ROS1: variants seen among roughly 807,000 people sequenced by gnomAD.
ROS1 encodes the protein proto-oncogene tyrosine-protein kinase ROS.
ROS1 carries 263 observed loss-of-function variants against 273.5 expected under a neutral mutation model. That is an observed-to-expected ratio of 0.96 (90% confidence interval 0.87 to 1.06). ROS1 has a LOEUF of 1.06. Ranked by LOEUF, ROS1 falls within the 50% of genes least tolerant of loss-of-function variation. The probability of loss-of-function intolerance (pLI) is 0.00; values close to 1 mark genes in which losing one functional copy is unlikely to be tolerated. For synonymous variants in ROS1, 1,008 were observed against 954.1 expected (o/e 1.06, Z -1.04); for missense variants, 2,833 against 2,751.1 (o/e 1.03, Z -0.67).
rs757736576 is a variant in ROS1 at position 117,409,633 on chromosome 6, A to G, written c.265T>C (p.Cys89Arg). The G allele has an allele frequency of 5.6e-6, 9 of 1,613,654 alleles. No homozygotes were observed. Among genetic ancestry groups the G allele is most frequent in the Middle Eastern group, 1.6e-4 (1 of 6,082 alleles). Residue 89 changes from cysteine (C) to arginine (R), a missense_variant, in exon 5 of 44, where the codon TGT (cysteine) becomes CGT (arginine). Transcript: ENST00000368507. ...TYATVCERES[C>R]EVGCSSAEGA... ...TCCGCGCTGCTACAGCCAACCTCAC[A>G]CGACTCCCGCTGTGGAAGACAGGGA...
chr6:117,292,607 T>C (rs1773923911), intron 43 of ROS1, among the ~76,000 whole-genome samples: 1 of 152,230 alleles, frequency 6.6e-6, no homozygotes, highest in Non-Finnish European at 1.5e-5. Flanking sequence ...GTCTGCACCC[T>C]GGACTTCAAC....
intron 39 of ROS1, among the ~76,000 whole-genome samples, chr6:117,311,526 C>CAT (rs1434827056): frequency 1.3e-5 from 2 of 152,104 alleles, no homozygotes; most frequent in African/African-American, 4.8e-5. Flanking sequence ...AAGTAAGTTA[C>CAT]ATATATGGCT....
chr6:117,342,653 T>A, intron 28 of ROS1, 109 bp from the exon 29 acceptor site: 1 of 732,868 alleles, frequency 1.4e-6, no homozygotes, highest in South Asian at 2.3e-5. Context: ...AAAAAATTAA[T>A]TTATTTTAAA....
At chr6:117,337,138 G>C (rs757047145) in intron 32 of ROS1, 34 bp downstream of exon 32, 3 of 1,548,172 alleles carry the variant, frequency 1.9e-6, no homozygotes, top group South Asian at 1.2e-5. Context: ...CTGAAACACA[G>C]AGTTTTCTGA....
chr6:117,354,526 C>A (rs547755195), intron 26 of ROS1, among the ~76,000 whole-genome samples: 1 of 152,232 alleles, frequency 6.6e-6, no homozygotes, highest in South Asian at 2.1e-4. Context: ...AACTAATATT[C>A]ATAATTGTCC....
chr6:117,407,421 A>C (rs1288610885), intron 5 of ROS1, among the ~76,000 whole-genome samples: 1 of 152,198 alleles, frequency 6.6e-6, no homozygotes, highest in Admixed American at 6.5e-5. Context: ...TGCCCAACCT[A>C]TGCTGAAATC....
intron 42 of ROS1, among the ~76,000 whole-genome samples, chr6:117,305,320 C>A (rs895968106): frequency 6.6e-6 from 1 of 152,026 alleles, no homozygotes; most frequent in African/African-American, 2.4e-5. Context: ...AGAGGAGGCC[C>A]GGGAAGAGGA....
rs553703550 is a variant in ROS1 at position 117,307,041 on chromosome 6, A to G, written c.6551+1753T>C. Among the ~76,000 whole-genome samples, 21 of 152,294 alleles carry G rather than the reference A, an allele frequency of 1.4e-4. No homozygotes were observed. In the South Asian group the frequency reaches 4.3e-3, roughly 32 times the overall value. ...CAATCCAATCAATAAATTATTCAAG[A>G]TAAAACTGTATAGAATATTATATTT... On this transcript the variant is annotated intron_variant, in intron 42 of 43. Transcript: ENST00000368507.
At chr6:117,365,029 T>A (rs189621852) in intron 21 of ROS1, 31 bp downstream of exon 21, 2 of 1,601,038 alleles carry the variant, frequency 1.2e-6, no homozygotes, top group East Asian at 2.2e-5. Flanking sequence ...TCTGCTTTTT[T>A]AAGAAAAAAG....
At chr6:117,346,377 C>T (rs190506877) in intron 27 of ROS1, among the ~76,000 whole-genome samples, 1 of 151,214 alleles carries the variant, frequency 6.6e-6, no homozygotes. Context: ...AATAATGTAC[C>T]TAGAAACTAG....
Position 117,365,562 on chromosome 6 carries a change from A to C in ROS1, c.2958+19T>G. ...ACAGTCTGTTTGGGAAATGAAAGTT[A>C]CTAGAACCAACACCATACCTTAGAA... On this transcript the variant is annotated intron_variant, in intron 20 of 43. Transcript: ENST00000368507. 1 of 1,605,932 alleles carries C rather than the reference A, an allele frequency of 6.2e-7. No individual in the cohort carries two copies. The highest frequency in any genetic ancestry group is 8.5e-7 in the Non-Finnish European group (1 of 1,172,616).
At chr6:117,319,142 T>C (rs890709509) in intron 37 of ROS1, among the ~76,000 whole-genome samples, 1 of 152,102 alleles carries the variant, frequency 6.6e-6, no homozygotes, top group Non-Finnish European at 1.5e-5. Flanking sequence ...CATAAAAGAT[T>C]CATCCTCCCT....
intron 36 of ROS1, among the ~76,000 whole-genome samples, chr6:117,320,776 T>C (rs1386355349): frequency 6.6e-6 from 1 of 152,262 alleles, no homozygotes; most frequent in Non-Finnish European, 1.5e-5. Context: ...AACCTTTGCA[T>C]AAGACACTTG....
At chr6:117,330,923 G>C (rs568373098) in intron 32 of ROS1, among the ~76,000 whole-genome samples, 2 of 152,300 alleles carry the variant, frequency 1.3e-5, no homozygotes, top group Non-Finnish European at 2.9e-5. Context: ...CAAAAGGCCA[G>C]AGTGCCTCTT....
chr6:117,311,050 A>G lies in ROS1; in HGVS notation c.6185T>C (p.Val2062Ala). The change falls in exon 40 of 44, where the codon GTC becomes GCC. Residue 2062 changes from valine to alanine, a missense_variant. Val to Ala is a moderately conservative substitution (Grantham distance 64). Transcript: ENST00000368507. ...AATGAAATGCATCCGTTCCAAGTAG[A>G]CACAGCCTTTTGAAATATCTACACA... ...DLCVDISKGC[V>A]YLERMHFIHR... 1 of 1,611,476 alleles carries G rather than the reference A, an allele frequency of 6.2e-7. No individual in the cohort carries two copies. The highest frequency in any genetic ancestry group is 8.5e-7 in the Non-Finnish European group (1 of 1,178,398).
At chr6:117,364,261 T>G (rs965985164) in intron 21 of ROS1, among the ~76,000 whole-genome samples, 1 of 152,202 alleles carries the variant, frequency 6.6e-6, no homozygotes, top group African/African-American at 2.4e-5. Context: ...CAATGGAGAA[T>G]GGATATCTAT....
At position 117,353,023 on chromosome 6, in the gene ROS1, A is replaced by G. The variant is rs199566649; in HGVS notation, c.4270T>C (p.Leu1424=). 2.5e-6 allele frequency: 4 copies of G among 1,613,924 alleles called. No individual in the cohort carries two copies. The East Asian group carries it at 8.9e-5, about 36-fold the overall frequency. ...QVKALRSRHI[L]AYSSVMQPFP... ...GGCTGCATAACTGAACTGTAAGCCAAGATATGCCTACTCCTTAGGGCCTTC... is the reference window on the plus strand; with the variant it reads ...GGCTGCATAACTGAACTGTAAGCCAGGATATGCCTACTCCTTAGGGCCTTC... Residue 1424 remains leucine (L), a synonymous_variant, in exon 27 of 44, where the codon TTG becomes CTG. Transcript: ENST00000368507.
Position 117,365,718 on chromosome 6 carries a change from C to T in ROS1, c.2821G>A (p.Val941Ile), listed in dbSNP as rs147172890. Residue 941 changes from valine (V) to isoleucine (I), a missense_variant, in exon 20 of 44, where the codon GTT (valine) becomes ATT (isoleucine). Coordinates refer to ENST00000368507, the MANE Select transcript of ROS1 (RefSeq NM_001378902.1). The part of the protein sequence containing the change: ...LPGNFSFTPK[V>I]IPDSVQESSF... ...GACTCTTGAACAGAATCTGGAATAA[C>T]CTTAGGGGTAAAGGAAAAGTTCCCT... 3.2e-6 allele frequency: 5 copies of T among 1,583,498 alleles called. No individual in the cohort carries two copies. The East Asian group carries it at 9.0e-5, about 28-fold the overall frequency.
At chr6:117,313,304 C>T (rs960748537) in intron 39 of ROS1, among the ~76,000 whole-genome samples, 14 of 152,192 alleles carry the variant, frequency 9.2e-5, no homozygotes, top group Admixed American at 7.9e-4. Context: ...GTATCTCATG[C>T]CTGTAATCCC....
Sources: gnomAD v4.1 joint callset for allele counts (sites outside exome capture counted in the v4.1 genomes callset) on GRCh38, gnomAD v4.1.1 for gene constraint, MANE v1.5 for transcripts, NCBI Gene and HGNC (gene_info 2026-07-23, HGNC 2026-07-21) for gene names.